The following EPAS1 variants were observed in gnomAD, a reference collection of about 807,000 sequenced individuals.
EPAS1 encodes the protein endothelial PAS domain protein 1.
Under a neutral mutation model 87.9 loss-of-function variants are expected in EPAS1, and 23 were observed. That is an observed-to-expected ratio of 0.26 (90% CI 0.19 to 0.37). The LOEUF (loss-of-function observed/expected upper bound fraction) is 0.37, where lower values mean the gene tolerates loss of function less well. Ranked by LOEUF, EPAS1 falls within the 10% of genes least tolerant of loss-of-function variation. The pLI is 1.00. For missense variants in EPAS1, 1,138 were observed against 1,120.7 expected (o/e 1.02, Z -0.22); for synonymous variants, 508 against 444.3 (o/e 1.14, Z -1.80).
chr2:46,349,531 C>A (rs1684105165), intron 2 of EPAS1, among the ~76,000 whole-genome samples: 1 of 152,248 alleles, frequency 6.6e-6, no homozygotes, highest in African/African-American at 2.4e-5. Flanking sequence ...TCTGGCTGGG[C>A]TCGGCCCTAG....
At chr2:46,377,774 T>G in intron 9 of EPAS1, 120 bp from the exon 10 acceptor site, 2 of 1,526,782 alleles carry the variant, frequency 1.3e-6, no homozygotes, top group Non-Finnish European at 1.8e-6. Context: ...TGGGGGGGCC[T>G]AGCCCCAGGC....
At chr2:46,299,655 G>A (rs531143354) in intron 1 of EPAS1, among the ~76,000 whole-genome samples, 2 of 152,324 alleles carry the variant, frequency 1.3e-5, no homozygotes, top group African/African-American at 4.8e-5. Flanking sequence ...TCGCCGAGGT[G>A]GGGCCTGACA....
In EPAS1 at chr2:46,377,951, A is replaced by G; in HGVS notation, c.1307A>G (p.Gln436Arg). The G allele has an allele frequency of 6.4e-7, 1 of 1,561,360 alleles. No individual in the cohort carries two copies. Among genetic ancestry groups the G allele is most frequent in the Non-Finnish European group, 8.7e-7 (1 of 1,152,256 alleles). Residue 436 changes from glutamine to arginine, a missense_variant, in exon 10 of 16, where the codon CAG becomes CGG. Gln to Arg is a conservative substitution (Grantham distance 43). This residue lies in a region of EPAS1 where 284 missense variants were observed against 258.4 expected (regional missense o/e 1.10). Transcript: ENST00000263734. ...AYGKAILPPS[Q>R]PWATELRSHS... The stretch of plus-strand genomic sequence containing the variant: ...GGCAAGGCCATCCTGCCCCCGAGCC[A>G]GCCATGGGCCACGGAGTTGAGGAGC...
chr2:46,340,122 G>C (rs1275335192), intron 1 of EPAS1, among the ~76,000 whole-genome samples: 1 of 152,248 alleles, frequency 6.6e-6, no homozygotes, highest in East Asian at 1.9e-4. Flanking sequence ...GGGAGTCCAC[G>C]TGTCCTCCGG....
intron 4 of EPAS1, 109 bp downstream of exon 4, chr2:46,356,917 A>G: frequency 2.5e-6 from 2 of 813,466 alleles, no homozygotes; most frequent in Non-Finnish European, 4.2e-6. Context: ...GATGCAGGAA[A>G]AATGGATGTC....
rs965131405 is a variant in EPAS1, at chr2:46,382,232, C to G, written c.2287+143C>G. 3 of 1,038,388 alleles carry G rather than the reference C, an allele frequency of 2.9e-6. No homozygotes were observed. In the African/African-American group the frequency reaches 4.8e-5, roughly 16 times the overall value. The allele number at this position is 1,038,388 out of a possible 1,614,324, so 64.3% of individuals were successfully genotyped here. On this transcript the variant is annotated intron_variant, in intron 14 of 15. Coordinates refer to ENST00000263734, the MANE Select transcript of EPAS1 (RefSeq NM_001430.5). ...TAGAATGGGGCGATGTCCTCTGTCT[C>G]TCCCGCAGTCCCACACACCCAACTT... is the stretch of plus-strand genomic sequence containing the variant.
chr2:46,382,584 C>A lies in EPAS1; in HGVS notation c.2447C>A (p.Ala816Asp). ...TACCAGGACTACAGCCTGTCGTCAG[C>A]CCACAAGGTGTCAGGTGGGTGTGCC... The part of the protein sequence containing the change: ...TQYQDYSLSS[A>D]HKVSGMASRL... The change falls in exon 15 of 16, where the codon GCC becomes GAC. Residue 816 changes from alanine (A) to aspartate (D), a missense_variant. By Grantham distance (126) the Ala-to-Asp change is moderately radical (BLOSUM62 -2). Transcript: ENST00000263734. The A allele has an allele frequency of 6.2e-7, 1 of 1,614,120 alleles. No individual in the cohort carries two copies. The highest frequency in any genetic ancestry group is 8.5e-7 in the Non-Finnish European group (1 of 1,180,052).
chr2:46,368,084 A>T (rs543926421), intron 6 of EPAS1, among the ~76,000 whole-genome samples: 3 of 152,326 alleles, frequency 2.0e-5, no homozygotes, highest in Non-Finnish European at 4.4e-5. Flanking sequence ...GGTTTTTACT[A>T]AGCACCCGTT....
chr2:46,368,430 A>G (rs1428863999), intron 6 of EPAS1, among the ~76,000 whole-genome samples: 2 of 152,198 alleles, frequency 1.3e-5, no homozygotes, highest in African/African-American at 4.8e-5. Flanking sequence ...AAATTGCTCA[A>G]AAGATGGAGA....
chr2:46,369,963 C>G, intron 7 of EPAS1, 30 bp downstream of exon 7: 1 of 1,550,186 alleles, frequency 6.5e-7, no homozygotes, highest in South Asian at 1.1e-5. Context: ...CTTGTGGCTT[C>G]CTTGTGTCTG....
intron 1 of EPAS1, among the ~76,000 whole-genome samples, chr2:46,332,332 G>GTGCGTGTA (rs146630883): frequency 7.0e-6 from 1 of 142,116 alleles, no homozygotes; most frequent in African/African-American, 2.7e-5. Context: ...GTGTGTGTGT[G>GTGCGTGTA]TATCAACTTG....
intron 7 of EPAS1, among the ~76,000 whole-genome samples, chr2:46,373,723 TG>T (rs1684674812): frequency 6.6e-6 from 1 of 152,212 alleles, no homozygotes; most frequent in Non-Finnish European, 1.5e-5. Context: ...TGTCAAAACT[TG>T]TTGAACTGTA....
chr2:46,377,547 G>A (rs1263135624), intron 9 of EPAS1, among the ~76,000 whole-genome samples: 1 of 152,240 alleles, frequency 6.6e-6, no homozygotes, highest in Non-Finnish European at 1.5e-5. Flanking sequence ...TTTTGTGGCA[G>A]TACTGAGGCA....
At position 46,347,548 on chromosome 2, in the gene EPAS1, C is replaced by G. The variant is rs1684057748; in HGVS notation, c.217+485C>G. 1 of 218,876 alleles carries G rather than the reference C, an allele frequency of 4.6e-6. No homozygotes were observed. The highest frequency in any genetic ancestry group is 2.3e-5 in the African/African-American group (1 of 43,924). 13.6% of individuals were successfully genotyped at this position (218,876 alleles called of 1,614,324 possible). On this transcript the variant is annotated intron_variant, in intron 2 of 15. Coordinates refer to ENST00000263734, the MANE Select transcript of EPAS1 (RefSeq NM_001430.5). This position sits in a 1 kb window ranked among gnomAD's most constrained non-coding sequence, Gnocchi z 4.2. ...TTTAGTCTCTCTGAACATTGGTTTC[C>G]TCGTGTATAAAATGGGGTTAAACAT... is the stretch of plus-strand genomic sequence containing the variant.
rs560007411 is a variant in EPAS1 at position 46,347,335 on chromosome 2, A to G, written c.217+272A>G. 2.1e-4 allele frequency: 110 copies of G among 535,308 alleles called. 1 individual carries two copies. The South Asian group carries it at 2.2e-3, about 11-fold the overall frequency. 33.2% of individuals were successfully genotyped at this position (535,308 alleles called of 1,614,324 possible). A position where few individuals can be genotyped will look rare whatever the true frequency, so the allele number is the denominator to read the frequency against. ...GAGGCTGTGGAGAACACGGGCTGGGAGAACCAAGGACGGCTTTTGCTGACT... is the reference window on the plus strand; with the variant it reads ...GAGGCTGTGGAGAACACGGGCTGGGGGAACCAAGGACGGCTTTTGCTGACT... On this transcript the variant is annotated intron_variant, in intron 2 of 15. Coordinates refer to ENST00000263734, the MANE Select transcript of EPAS1 (RefSeq NM_001430.5). This position sits in a 1 kb window ranked among gnomAD's most constrained non-coding sequence, Gnocchi z 4.2.
chr2:46,332,366 G>C (rs1683702197), intron 1 of EPAS1, among the ~76,000 whole-genome samples: 1 of 149,288 alleles, frequency 6.7e-6, no homozygotes, highest in South Asian at 2.1e-4. Flanking sequence ...TGCTGGGCTG[G>C]ATAATGAAGT....
At chr2:46,315,618 C>T (rs535337641) in intron 1 of EPAS1, among the ~76,000 whole-genome samples, 1 of 152,344 alleles carries the variant, frequency 6.6e-6, no homozygotes, top group African/African-American at 2.4e-5. Context: ...GCCCAGAATC[C>T]TGTCTCCTCT....
intron 12 of EPAS1, 106 bp from the exon 13 acceptor site, chr2:46,381,490 C>A: frequency 1.3e-6 from 2 of 1,578,834 alleles, no homozygotes; most frequent in South Asian, 2.2e-5. Flanking sequence ...GTCTTTGAGT[C>A]ATCACAGGCA....
chr2:46,355,845 G>C (rs1189342390), intron 2 of EPAS1, among the ~76,000 whole-genome samples: 2 of 152,206 alleles, frequency 1.3e-5, no homozygotes, highest in African/African-American at 4.8e-5. Context: ...GGTGGTTGCT[G>C]GGGGCAGCTT....
Sources: allele counts gnomAD v4.1 joint callset (sites outside exome capture counted in the v4.1 genomes callset), GRCh38; gene constraint gnomAD v4.1.1; regional missense constraint gnomAD v4.1.1; non-coding constraint Gnocchi (gnomAD v3.1); transcripts MANE v1.5; gene names NCBI Gene and HGNC (gene_info 2026-07-23, HGNC 2026-07-21).